Variants in LYPLAL1 observed in about 807,000 individuals in gnomAD.
LYPLAL1 encodes lysophospholipase-like protein 1.
A neutral mutation model predicts 19.7 loss-of-function variants in LYPLAL1; 23 were observed. That is an observed-to-expected ratio of 1.17 (90% confidence interval 0.84 to 1.65). The LOEUF (loss-of-function observed/expected upper bound fraction) is 1.65. LYPLAL1 is among the 40% of genes most tolerant of loss of function. LYPLAL1 has a pLI of 0.00. For missense variants in LYPLAL1, 355 were observed against 279.4 expected, an observed-to-expected ratio of 1.27 and a Z score of -1.93; for synonymous variants, 119 against 96.3, an observed-to-expected ratio of 1.24 and a Z score of -1.38.
At chr1:219,266,966 A>G in the LYPLAL1 span, among the ~76,000 whole-genome samples, 1 of 152,136 alleles carries the variant, frequency 6.6e-6, no homozygotes, top group Non-Finnish European at 1.5e-5. Flanking sequence ...ATTTGTTCCT[A>G]TTACTGGTTG....
chr1:219,188,956 T>C (rs893019228), intron 2 of LYPLAL1, among the ~76,000 whole-genome samples: 2 of 151,742 alleles, frequency 1.3e-5, no homozygotes, highest in African/African-American at 4.8e-5. Flanking sequence ...TTTAGGAGAT[T>C]TATACATTCT....
At chr1:219,357,793 C>A in the LYPLAL1 span, among the ~76,000 whole-genome samples, 1 of 152,028 alleles carries the variant, frequency 6.6e-6, no homozygotes, top group Non-Finnish European at 1.5e-5. Context: ...CTGGAAGCAA[C>A]AAAGATGTGA....
At chr1:219,411,568 G>A in the LYPLAL1 span, 1 of 152,246 alleles carries the variant, frequency 6.6e-6, no homozygotes, top group South Asian at 2.1e-4. Context: ...GGCCAGATAA[G>A]AGAATAAAAA....
At chr1:219,334,526 G>GT in the LYPLAL1 span, among the ~76,000 whole-genome samples, 451 of 147,244 alleles carry the variant, frequency 3.1e-3, 1 homozygote, top group African/African-American at 7.0e-3. Context: ...AATGAAGAGG[G>GT]GTGTGTGTGT....
the LYPLAL1 span, among the ~76,000 whole-genome samples, chr1:219,220,351 C>T: frequency 6.6e-6 from 1 of 152,206 alleles, no homozygotes; most frequent in South Asian, 2.1e-4. Flanking sequence ...AATATCCTGC[C>T]TCTTTTTTAC....
chr1:219,186,097 A>C (rs1019369921), intron 2 of LYPLAL1, among the ~76,000 whole-genome samples: 1 of 151,860 alleles, frequency 6.6e-6, no homozygotes, highest in African/African-American at 2.4e-5. Flanking sequence ...TCTGGGTCCT[A>C]AATAACCCAT....
chr1:219,340,866 C>T, the LYPLAL1 span, among the ~76,000 whole-genome samples: 2 of 152,030 alleles, frequency 1.3e-5, no homozygotes, highest in East Asian at 1.9e-4. Context: ...CTTTATATAA[C>T]CCAGGAACCC....
chr1:219,228,464 G>A, the LYPLAL1 span, among the ~76,000 whole-genome samples: 1 of 149,986 alleles, frequency 6.7e-6, no homozygotes, highest in Non-Finnish European at 1.5e-5. Context: ...TATAGAAAAC[G>A]TTCCCCTTAA....
chr1:219,309,633 C>T, the LYPLAL1 span, among the ~76,000 whole-genome samples: 1 of 152,242 alleles, frequency 6.6e-6, no homozygotes, highest in Admixed American at 6.5e-5. Context: ...ATGATTTCAT[C>T]AGGGGTTTCT....
chr1:219,234,588 T>C, the LYPLAL1 span, among the ~76,000 whole-genome samples: 2 of 152,132 alleles, frequency 1.3e-5, no homozygotes, highest in Non-Finnish European at 2.9e-5. Context: ...AATGAAAATC[T>C]GCAGGTCAAA....
the LYPLAL1 span, among the ~76,000 whole-genome samples, chr1:219,347,135 T>C: frequency 2.0e-5 from 3 of 152,196 alleles, no homozygotes; most frequent in Non-Finnish European, 4.4e-5. Context: ...TTATTAACCA[T>C]GATTTTTCAA....
At chr1:219,217,079 T>G (rs1443873292), downstream of LYPLAL1, among the ~76,000 whole-genome samples, 1 of 152,178 alleles carries the variant, frequency 6.6e-6, no homozygotes, top group Non-Finnish European at 1.5e-5. Flanking sequence ...ACTCATGCAG[T>G]GCTTTAATTT....
chr1:219,312,927 A>G, the LYPLAL1 span, among the ~76,000 whole-genome samples: 1 of 152,208 alleles, frequency 6.6e-6, no homozygotes, highest in African/African-American at 2.4e-5. Flanking sequence ...TAGTCCTTAC[A>G]ATGATTATGA....
the LYPLAL1 span, chr1:219,271,322 C>T: frequency 2.0e-5 from 3 of 150,966 alleles, no homozygotes; most frequent in African/African-American, 7.3e-5. Context: ...CTAGCTTGTG[C>T]TAATCCCCAC....
the LYPLAL1 span, among the ~76,000 whole-genome samples, chr1:219,355,369 C>A: frequency 6.6e-6 from 1 of 151,834 alleles, no homozygotes; most frequent in Non-Finnish European, 1.5e-5. Flanking sequence ...AGCAAGCAAT[C>A]CCAAAAGAGA....
At chr1:219,394,933 C>T in the LYPLAL1 span, among the ~76,000 whole-genome samples, 3 of 152,212 alleles carry the variant, frequency 2.0e-5, no homozygotes, top group Non-Finnish European at 4.4e-5. Context: ...GCCTCTAGCT[C>T]ATTCATGTTT....
the LYPLAL1 span, among the ~76,000 whole-genome samples, chr1:219,425,166 A>G: frequency 6.6e-6 from 1 of 152,144 alleles, no homozygotes; most frequent in Non-Finnish European, 1.5e-5. Flanking sequence ...CACAGGGTGC[A>G]AGGGGCAAGG....
At chr1:219,403,333 G>A in the LYPLAL1 span, among the ~76,000 whole-genome samples, 1 of 152,192 alleles carries the variant, frequency 6.6e-6, no homozygotes, top group Middle Eastern at 3.2e-3. Context: ...TGTCTACAGT[G>A]CATGGGGATT....
At chr1:219,413,228 G>A in the LYPLAL1 span, among the ~76,000 whole-genome samples, 2 of 152,168 alleles carry the variant, frequency 1.3e-5, no homozygotes, top group Non-Finnish European at 2.9e-5. Context: ...ACTGGCATCT[G>A]AAAAGATTTT....
Sources: gnomAD v4.1 joint callset for allele counts (sites outside exome capture counted in the v4.1 genomes callset) on GRCh38, gnomAD v4.1.1 for gene constraint, MANE v1.5 for transcripts, NCBI Gene and HGNC (gene_info 2026-07-23, HGNC 2026-07-21) for gene names.